The following LRBA variants were observed in gnomAD, a reference collection of about 807,000 sequenced individuals.
LRBA encodes LPS responsive beige-like anchor protein.
Under a neutral mutation model 330.0 loss-of-function variants are expected in LRBA, and 176 were observed. That is an observed-to-expected ratio of 0.53 (90% confidence interval 0.47 to 0.60). The LOEUF is 0.60. Ranked by LOEUF, LRBA falls within the 20% of genes least tolerant of loss-of-function variation. The probability of loss-of-function intolerance (pLI) is 0.00; values close to 1 mark genes in which losing one functional copy is unlikely to be tolerated. For synonymous variants in LRBA, 1,230 were observed against 1,193.0 expected (o/e 1.03, Z -0.64); for missense variants, 3,259 against 3,444.8 (o/e 0.95, Z 1.35).
chr4:150,487,483 C>T (rs1028412407), intron 42 of LRBA, among the ~76,000 whole-genome samples: 6 of 151,328 alleles, frequency 4.0e-5, no homozygotes, highest in African/African-American at 1.5e-4. Context: ...CTAGGGAAAA[C>T]AGTATATTAT....
At chr4:150,695,596 G>C (rs1784547974) in intron 36 of LRBA, among the ~76,000 whole-genome samples, 1 of 152,158 alleles carries the variant, frequency 6.6e-6, no homozygotes, top group Non-Finnish European at 1.5e-5. Context: ...TGGATTACAA[G>C]TGTGAGCCAC....
chr4:150,283,205 A>C (rs1442918992), intron 54 of LRBA, among the ~76,000 whole-genome samples: 1 of 152,056 alleles, frequency 6.6e-6, no homozygotes, highest in African/African-American at 2.4e-5. Context: ...AACCTCCAAA[A>C]AATTCACACA....
intron 37 of LRBA, among the ~76,000 whole-genome samples, chr4:150,618,722 G>C (rs1170743617): frequency 1.3e-5 from 2 of 151,894 alleles, no homozygotes; most frequent in African/African-American, 2.4e-5. Flanking sequence ...TATATGACAA[G>C]TAAGCTTTCT....
rs139439745 is a variant in LRBA at position 150,692,900 on chromosome 4, T to C, written c.5755-9183A>G. ...ACAATATCTATTAAAAGTGAAAATATGAACATTTTGTAATCAAGTAATTCC... is the reference window on the plus strand; with the variant it reads ...ACAATATCTATTAAAAGTGAAAATACGAACATTTTGTAATCAAGTAATTCC... On this transcript the variant is annotated intron_variant, in intron 36 of 56. Transcript: ENST00000651943. Among the ~76,000 whole-genome samples, 21 of 152,282 alleles carry C rather than the reference T, an allele frequency of 1.4e-4. No homozygotes were observed. The East Asian group carries it at 3.5e-3, about 25-fold the overall frequency.
chr4:150,848,260 C>G (rs531730592), intron 26 of LRBA, among the ~76,000 whole-genome samples: 29 of 152,118 alleles, frequency 1.9e-4, no homozygotes, highest in Middle Eastern at 3.4e-3. Flanking sequence ...GGGGATCCAC[C>G]CACTTTGGCC....
At chr4:150,509,089 A>G (rs1168815512) in intron 40 of LRBA, among the ~76,000 whole-genome samples, 1 of 152,206 alleles carries the variant, frequency 6.6e-6, no homozygotes, top group Non-Finnish European at 1.5e-5. Context: ...GCTAAAAGAG[A>G]TTTTAAACAT....
At chr4:151,010,118 T>C (rs1203846821) in intron 2 of LRBA, among the ~76,000 whole-genome samples, 1 of 152,160 alleles carries the variant, frequency 6.6e-6, no homozygotes, top group Non-Finnish European at 1.5e-5. Flanking sequence ...AATTGTGGTA[T>C]CCACTAGGGG....
At chr4:150,765,108 G>A (rs936552489) in intron 34 of LRBA, among the ~76,000 whole-genome samples, 7 of 151,092 alleles carry the variant, frequency 4.6e-5, no homozygotes, top group South Asian at 4.1e-4. Context: ...GAGCTATCAA[G>A]CCATGAAAGG....
chr4:150,877,193 G>C (rs1754138320), intron 17 of LRBA, among the ~76,000 whole-genome samples: 1 of 150,872 alleles, frequency 6.6e-6, no homozygotes, highest in Non-Finnish European at 1.5e-5. Flanking sequence ...GGGAGGCAGA[G>C]CTTGCAGTGA....
intron 48 of LRBA, among the ~76,000 whole-genome samples, chr4:150,342,124 A>C (rs1240382784): frequency 6.6e-6 from 1 of 152,002 alleles, no homozygotes; most frequent in Non-Finnish European, 1.5e-5. Flanking sequence ...AAATATTCTA[A>C]TTTTTATCTT....
At chr4:150,637,546 T>A (rs1255178068) in intron 37 of LRBA, among the ~76,000 whole-genome samples, 4 of 152,202 alleles carry the variant, frequency 2.6e-5, no homozygotes, top group Non-Finnish European at 5.9e-5. Context: ...AAAATTAGGT[T>A]ACAAATGACT....
chr4:150,798,199 TACAA>T, intron 33 of LRBA, 57 bp from the exon 34 acceptor site: 2 of 1,090,260 alleles, frequency 1.8e-6, no homozygotes, highest in South Asian at 1.3e-5. Context: ...GAGGATTTGT[TACAA>T]TTTCATCCAA....
intron 14 of LRBA, among the ~76,000 whole-genome samples, 174 bp from the exon 15 acceptor site, chr4:150,897,992 C>T (rs139574297): frequency 2.2e-3 from 332 of 152,072 alleles, no homozygotes; most frequent in Non-Finnish European, 3.0e-3. Context: ...ATCTTACATG[C>T]ACTGTATACA....
chr4:150,910,752 TTAGGTAG>T (rs755173737), intron 9 of LRBA, among the ~76,000 whole-genome samples: 1 of 150,604 alleles, frequency 6.6e-6, no homozygotes, highest in Non-Finnish European at 1.5e-5. Context: ...GTAGATTGCT[TTAGGTAG>T]TATGGATTTT....
chr4:150,898,120 A>T (rs932172042), intron 14 of LRBA, among the ~76,000 whole-genome samples: 2 of 152,104 alleles, frequency 1.3e-5, no homozygotes, highest in Admixed American at 1.3e-4. Flanking sequence ...ATTTGTATTC[A>T]ATAATAATAT....
chr4:150,831,779 T>A (rs1458872581), intron 29 of LRBA, 38 bp downstream of exon 29: 1 of 1,486,312 alleles, frequency 6.7e-7, no homozygotes, highest in African/African-American at 1.4e-5. Context: ...AACATTTATT[T>A]GAACTTTGGT....
At chr4:150,274,760 C>G (rs1461441990) in intron 56 of LRBA, among the ~76,000 whole-genome samples, 3 of 152,144 alleles carry the variant, frequency 2.0e-5, no homozygotes, top group African/African-American at 4.8e-5. Flanking sequence ...AGTCAAATCC[C>G]TGAATAGACC....
chr4:150,674,854 A>G (rs980395806), intron 37 of LRBA, among the ~76,000 whole-genome samples: 1 of 152,170 alleles, frequency 6.6e-6, no homozygotes, highest in Non-Finnish European at 1.5e-5. Flanking sequence ...CATCCTGGGC[A>G]AAAGAGCAAG....
At chr4:150,361,336 G>C (rs1180243934) in intron 47 of LRBA, among the ~76,000 whole-genome samples, 1 of 152,134 alleles carries the variant, frequency 6.6e-6, no homozygotes, top group African/African-American at 2.4e-5. Context: ...CAACAATAGA[G>C]ACTTCTTGCA....
Sources: gnomAD v4.1 joint callset for allele counts (sites outside exome capture counted in the v4.1 genomes callset) on GRCh38, gnomAD v4.1.1 for gene constraint, MANE v1.5 for transcripts, NCBI Gene and HGNC (gene_info 2026-07-23, HGNC 2026-07-21) for gene names.